SLC9A1: variants seen among roughly 807,000 people sequenced by gnomAD.
The protein encoded by SLC9A1 is solute carrier family 9 member A1, also known as sodium/hydrogen exchanger 1.
A neutral mutation model predicts 67.9 loss-of-function variants in SLC9A1; 22 were observed. That is an observed-to-expected ratio of 0.32 (90% CI 0.23 to 0.46). SLC9A1 has a LOEUF of 0.46. SLC9A1 is among the 20% of genes least tolerant of loss of function. The probability of loss-of-function intolerance (pLI) is 1.00; values close to 1 mark genes in which losing one functional copy is unlikely to be tolerated. For synonymous variants in SLC9A1, 421 were observed against 471.8 expected, an observed-to-expected ratio of 0.89 and a Z score of 1.40; for missense variants, 686 against 1,094.8, an observed-to-expected ratio of 0.63 and a Z score of 5.27.
intron 1 of SLC9A1, among the ~76,000 whole-genome samples, chr1:27,123,948 T>C (rs1035890845): frequency 2.0e-5 from 3 of 152,166 alleles, no homozygotes; most frequent in Non-Finnish European, 2.9e-5. Context: ...TGCCTCAGCG[T>C]CCTGAGTAGC....
intron 1 of SLC9A1, among the ~76,000 whole-genome samples, chr1:27,116,631 A>C (rs2083273996): frequency 6.6e-6 from 1 of 152,220 alleles, no homozygotes; most frequent in Non-Finnish European, 1.5e-5. Flanking sequence ...CTTTTGCTGA[A>C]AAGTCCCCCA....
rs181685590 is a variant in SLC9A1 at position 27,149,020 on chromosome 1, G to T, written c.352+4963C>A. ...GGTTGCTAGCAGAGAACAAGGGATA[G>T]GCCTCCTGAATGCAGGATTCAGGTG... is the stretch of plus-strand genomic sequence containing the variant. On this transcript the variant is annotated intron_variant, in intron 1 of 11. Coordinates refer to ENST00000263980, the MANE Select transcript of SLC9A1 (RefSeq NM_003047.5). Among the ~76,000 whole-genome samples, 10 of 152,346 alleles carry T rather than the reference G, an allele frequency of 6.6e-5. No homozygotes were observed. In the East Asian group the frequency reaches 1.9e-3, roughly 29 times the overall value.
At chr1:27,138,687 G>C (rs1289679362) in intron 1 of SLC9A1, among the ~76,000 whole-genome samples, 1 of 152,140 alleles carries the variant, frequency 6.6e-6, no homozygotes, top group Non-Finnish European at 1.5e-5. Context: ...CAGCTGTATG[G>C]AGGAACAGGC....
chr1:27,100,540 C>T lies in SLC9A1; in HGVS notation c.2215G>A (p.Gly739Ser), dbSNP rs560166921. Residue 739 changes from glycine to serine, a missense_variant, in exon 12 of 12, where the codon GGC (glycine) becomes AGC (serine). Transcript: ENST00000263980. This position sits in a 1 kb window ranked among gnomAD's most constrained non-coding sequence, Gnocchi z 5.6. Reference protein sequence around the residue: ...SVDLVNEELKGKVLGLSRDPA... With the variant: ...SVDLVNEELKSKVLGLSRDPA... ...TCCCGGCTCAACCCTAAGACTTTGCCCTTCAGCTCTTCATTCACCAGGTCC... is the reference window on the plus strand; with the variant it reads ...TCCCGGCTCAACCCTAAGACTTTGCTCTTCAGCTCTTCATTCACCAGGTCC... 3 of 1,614,060 alleles carry T rather than the reference C, an allele frequency of 1.9e-6. No homozygotes were observed. The African/African-American group carries it at 4.0e-5, about 22-fold the overall frequency.
intron 1 of SLC9A1, among the ~76,000 whole-genome samples, chr1:27,117,369 A>G (rs1470558811): frequency 6.6e-6 from 1 of 152,168 alleles, no homozygotes; most frequent in Non-Finnish European, 1.5e-5. Context: ...GAGCTGCCTT[A>G]AGAGAAGGCA....
At position 27,101,083 on chromosome 1, in the gene SLC9A1, T is replaced by C; in HGVS notation, c.2110+120A>G. On this transcript the variant is annotated intron_variant, in intron 11 of 11. Coordinates refer to ENST00000263980, the MANE Select transcript of SLC9A1 (RefSeq NM_003047.5). This position sits in a 1 kb window ranked among gnomAD's most constrained non-coding sequence, Gnocchi z 4.9. ...CAGCTCATGGCTTGGGAGGGGATCCTGAGGTCAGCGAGGGCCAGGCCTGTC... is the reference window on the plus strand; with the variant it reads ...CAGCTCATGGCTTGGGAGGGGATCCCGAGGTCAGCGAGGGCCAGGCCTGTC... The C allele has an allele frequency of 1.4e-6, 1 of 730,358 alleles. No individual in the cohort carries two copies. The highest frequency in any genetic ancestry group is 1.7e-5 in the South Asian group (1 of 58,588). 45.2% of individuals were successfully genotyped at this position (730,358 alleles called of 1,614,324 possible).
intron 1 of SLC9A1, among the ~76,000 whole-genome samples, chr1:27,131,439 CAAAAAAAAAAAA>C (rs35954506): frequency 1.1e-4 from 3 of 27,490 alleles, no homozygotes; most frequent in Admixed American, 6.2e-4. Flanking sequence ...ACTAAAAATA[CAAAAAAAAAAAA>C]AAAAAAAAAA....
chr1:27,144,138 A>G (rs889068133), intron 1 of SLC9A1, among the ~76,000 whole-genome samples: 2 of 152,268 alleles, frequency 1.3e-5, no homozygotes, highest in African/African-American at 4.8e-5. Flanking sequence ...AAGAGAAGCC[A>G]TAAGTAAATC....
chr1:27,154,038 C>T lies in SLC9A1; in HGVS notation c.297G>A (p.Val99=). The T allele has an allele frequency of 1.2e-6, 2 of 1,605,850 alleles. No individual in the cohort carries two copies. The highest frequency in any genetic ancestry group is 2.2e-5 in the South Asian group (2 of 89,854). ...FPVLGIDYTH[V]RTPFEISLWI... ...AGAGGGAGATCTCGAAGGGGGTGCG[C>T]ACGTGTGTGTAGTCGATGCCCAGGA... The change falls in exon 1 of 12, where the codon GTG becomes GTA. Residue 99 remains valine (V), a synonymous_variant. Coordinates refer to ENST00000263980, the MANE Select transcript of SLC9A1 (RefSeq NM_003047.5).
At position 27,113,977 on chromosome 1, in the gene SLC9A1, T is replaced by C; in HGVS notation, c.662A>G (p.Asn221Ser). 1.2e-6 allele frequency: 2 copies of C among 1,614,014 alleles called. No individual in the cohort carries two copies. Among genetic ancestry groups the C allele is most frequent in the Non-Finnish European group, 1.7e-6 (2 of 1,179,984 alleles). ...GAGCAGGTTGTCCAGGAGGCCGATG[T>C]TGTTGATCTGCTCACCGCCCACCAG... ...VCLVGGEQIN[N>S]IGLLDNLLFG... The change falls in exon 2 of 12, where the codon AAC (asparagine) becomes AGC (serine). Residue 221 changes from asparagine to serine, a missense_variant. Asn to Ser is a conservative substitution (Grantham distance 46). Around this residue, in one of 7 missense-constraint regions of SLC9A1, gnomAD observed 49 missense variants for 73.1 expected, o/e 0.67. Coordinates refer to ENST00000263980, the MANE Select transcript of SLC9A1 (RefSeq NM_003047.5).
intron 1 of SLC9A1, among the ~76,000 whole-genome samples, chr1:27,125,655 C>T (rs1219361771): frequency 6.6e-6 from 1 of 151,606 alleles, no homozygotes; most frequent in Non-Finnish European, 1.5e-5. Flanking sequence ...AGTGCAGTGG[C>T]GCAATCTTGG....
chr1:27,113,877 C>T lies in SLC9A1; in HGVS notation c.762G>A (p.Leu254=). Residue 254 remains leucine, a synonymous_variant, in exon 2 of 12, where the codon CTG becomes CTA. Coordinates refer to ENST00000263980, the MANE Select transcript of SLC9A1 (RefSeq NM_003047.5). ...ACTCCCCAAAAACAAGGATGTGCAG[C>T]AGCTCATTGATGTGAATTTCCTCAA... ...AVFEEIHINE[L]LHILVFGESL... is the part of the protein sequence containing the mutation. 6.2e-7 allele frequency: 1 copy of T among 1,614,172 alleles called. No individual in the cohort carries two copies. The highest frequency in any genetic ancestry group is 8.5e-7 in the Non-Finnish European group (1 of 1,180,004).
In SLC9A1 at chr1:27,106,506, T is replaced by C. The variant is rs1396023998; in HGVS notation, c.1283-419A>G. Among the ~76,000 whole-genome samples, 1 of 152,016 alleles carries C rather than the reference T, an allele frequency of 6.6e-6. No homozygotes were observed. The highest frequency in any genetic ancestry group is 2.4e-5 in the African/African-American group (1 of 41,364). On this transcript the variant is annotated intron_variant, in intron 4 of 11. Coordinates refer to ENST00000263980, the MANE Select transcript of SLC9A1 (RefSeq NM_003047.5). The surrounding 1 kb of genome is among the most constrained non-coding windows in gnomAD (Gnocchi z 4.3). ...AAAATGCAGAGGGCTGGGCCCAACC[T>C]CCACCCACAGAACCAGAATCCCTGG...
rs755250713 is a variant in SLC9A1, at chr1:27,109,645, C to T, written c.946G>A (p.Ala316Thr). The T allele has an allele frequency of 9.9e-6, 16 of 1,613,642 alleles. No individual in the cohort carries two copies. The highest frequency in any genetic ancestry group is 9.3e-5 in the African/African-American group (7 of 74,886). The change falls in exon 3 of 12, where the codon GCA becomes ACA. Residue 316 changes from alanine (A) to threonine (T), a missense_variant. Ala to Thr is a moderately conservative substitution (Grantham distance 58). Coordinates refer to ENST00000263980, the MANE Select transcript of SLC9A1 (RefSeq NM_003047.5). This position sits in a 1 kb window ranked among gnomAD's most constrained non-coding sequence, Gnocchi z 5.5. Reference protein sequence around the residue: ...VLVGVVYGVIAAFTSRFTSHI... With the variant: ...VLVGVVYGVITAFTSRFTSHI... ...GAGGTAAATCGGGAGGTGAAGGCTG[C>T]GATGACCCCGTAGACCACGCCCACA... is the stretch of plus-strand genomic sequence containing the variant.
At chr1:27,141,670 A>G (rs1222731128) in intron 1 of SLC9A1, among the ~76,000 whole-genome samples, 1 of 152,216 alleles carries the variant, frequency 6.6e-6, no homozygotes, top group Non-Finnish European at 1.5e-5. Context: ...GTTCTCATGC[A>G]TCTCTGCACC....
intron 2 of SLC9A1, among the ~76,000 whole-genome samples, chr1:27,111,728 TGAG>T (rs2083229720): frequency 6.6e-6 from 1 of 152,194 alleles, no homozygotes; most frequent in African/African-American, 2.4e-5. Context: ...GATGATCATT[TGAG>T]GAGTTTGAGG....
chr1:27,103,381 C>T, intron 5 of SLC9A1, 69 bp from the exon 6 acceptor site: 1 of 1,087,766 alleles, frequency 9.2e-7, no homozygotes, highest in South Asian at 1.2e-5. Context: ...GAGCCTCCCT[C>T]CCTCACCCCA....
At position 27,155,064 on chromosome 1, in the gene SLC9A1, T is replaced by G. The variant is rs1425272463; in HGVS notation, c.-730A>C. 6.6e-6 allele frequency among the ~76,000 whole-genome samples: 1 copy of G among 151,960 alleles called. No homozygotes were observed. The highest frequency in any genetic ancestry group is 2.4e-5 in the African/African-American group (1 of 41,396). On this transcript the variant is annotated 5_prime_UTR_variant, in exon 1 of 12. Transcript: ENST00000263980. This position sits in a 1 kb window ranked among gnomAD's most constrained non-coding sequence, Gnocchi z 4.5. ...ACGCGGCGCTCCGCCCCGGCCCAGC[T>G]GCAGCTCCTCCTGGTCCAGCTCCAG...
chr1:27,131,447 A>G (rs1234336128), intron 1 of SLC9A1, among the ~76,000 whole-genome samples: 2 of 146,302 alleles, frequency 1.4e-5, no homozygotes, highest in African/African-American at 5.1e-5. Context: ...TACAAAAAAA[A>G]AAAAAAAAAA....
Sources: allele counts gnomAD v4.1 joint callset (sites outside exome capture counted in the v4.1 genomes callset), GRCh38; gene constraint gnomAD v4.1.1; regional missense constraint gnomAD v4.1.1; non-coding constraint Gnocchi (gnomAD v3.1); transcripts MANE v1.5; gene names NCBI Gene and HGNC (gene_info 2026-07-23, HGNC 2026-07-21).